The following ZNF521 variants were observed in gnomAD, a reference collection of about 807,000 sequenced individuals.
ZNF521 encodes the protein zinc finger protein 521.
In ZNF521, 14 loss-of-function variants were observed where a neutral mutation model predicts 105.5. That is an observed-to-expected ratio of 0.13 (90% CI 0.09 to 0.21). The LOEUF is 0.21. ZNF521 is among the 10% of genes least tolerant of loss of function. ZNF521 has a pLI of 1.00. For missense variants in ZNF521, 1,233 were observed against 1,629.7 expected (o/e 0.76, Z 4.19); for synonymous variants, 635 against 606.0 (o/e 1.05, Z -0.70).
Position 25,152,216 on chromosome 18 carries a change from C to T in ZNF521, c.3658+42944G>A, listed in dbSNP as rs146228131. ...CCTCTAGGCTGGGCATGGTGGCTCA[C>T]GCCTGTAATCTCAACACTTTGGGAG... On this transcript the variant is annotated intron_variant, in intron 5 of 7. Transcript: ENST00000361524. Among the ~76,000 whole-genome samples, 265 of 152,272 alleles carry T rather than the reference C, an allele frequency of 1.7e-3. 1 individual carries two copies. Among genetic ancestry groups the T allele is most frequent in the Non-Finnish European group, 2.8e-3 (189 of 68,012 alleles).
At chr18:25,313,689 T>G (rs74875046) in intron 3 of ZNF521, among the ~76,000 whole-genome samples, 2,059 of 152,352 alleles carry the variant, frequency 0.014, 27 homozygotes, top group Non-Finnish European at 0.019. Flanking sequence ...TAAACCCTGT[T>G]TATTTCATCT....
chr18:25,314,344 C>T (rs559307284), intron 3 of ZNF521, among the ~76,000 whole-genome samples: 1 of 152,222 alleles, frequency 6.6e-6, no homozygotes, highest in South Asian at 2.1e-4. Flanking sequence ...CTTTAATTTG[C>T]CACAACCATA....
intron 2 of ZNF521, among the ~76,000 whole-genome samples, chr18:25,329,437 A>G (rs1913423538): frequency 6.6e-6 from 1 of 152,216 alleles, no homozygotes; most frequent in South Asian, 2.1e-4. Flanking sequence ...GGGCAGGGAA[A>G]TTTTATCCCA....
chr18:25,277,496 A>G (rs1473583972), intron 3 of ZNF521, among the ~76,000 whole-genome samples: 4 of 152,216 alleles, frequency 2.6e-5, no homozygotes, highest in African/African-American at 7.2e-5. Context: ...ATCAAAGAGA[A>G]ACTCGGACCC....
At chr18:25,067,019 G>C (rs893538488) in intron 7 of ZNF521, among the ~76,000 whole-genome samples, 18 of 152,138 alleles carry the variant, frequency 1.2e-4, no homozygotes, top group Middle Eastern at 3.2e-3. Flanking sequence ...GTGGAGGTGG[G>C]GGGTGAAGAC....
intron 3 of ZNF521, among the ~76,000 whole-genome samples, chr18:25,285,843 C>T (rs190560037): frequency 4.0e-4 from 61 of 152,292 alleles, no homozygotes; most frequent in African/African-American, 1.4e-3. Context: ...TTGAAATTGC[C>T]TCCATGTATC....
chr18:25,288,134 G>A (rs192554095), intron 3 of ZNF521, among the ~76,000 whole-genome samples: 3 of 152,138 alleles, frequency 2.0e-5, no homozygotes, highest in African/African-American at 4.8e-5. Context: ...TAAACTGGGC[G>A]TGATGTGCAC....
At chr18:25,161,371 G>T (rs2035248306) in intron 5 of ZNF521, among the ~76,000 whole-genome samples, 2 of 152,116 alleles carry the variant, frequency 1.3e-5, no homozygotes, top group Non-Finnish European at 2.9e-5. Flanking sequence ...AATCAAGTGT[G>T]ACAGCTGCTG....
intron 5 of ZNF521, among the ~76,000 whole-genome samples, chr18:25,167,224 A>T (rs2035359277): frequency 1.3e-5 from 2 of 152,208 alleles, no homozygotes; most frequent in Non-Finnish European, 2.9e-5. Flanking sequence ...TAATTTTTAC[A>T]GATTCACATT....
chr18:25,313,991 GC>G (rs1341221380), intron 3 of ZNF521, among the ~76,000 whole-genome samples: 17 of 152,124 alleles, frequency 1.1e-4, no homozygotes, highest in African/African-American at 3.6e-4. Context: ...AGTGCCTTAA[GC>G]CTAATTAATA....
chr18:25,300,918 C>T (rs750162519), intron 3 of ZNF521, among the ~76,000 whole-genome samples: 20 of 152,006 alleles, frequency 1.3e-4, no homozygotes, highest in Non-Finnish European at 2.6e-4. Context: ...ATGTTTCTCC[C>T]GAGCATTGCA....
Position 25,224,550 on chromosome 18 carries a change from T to C in ZNF521, c.3368A>G (p.Asn1123Ser). The C allele has an allele frequency of 3.1e-6, 5 of 1,614,046 alleles. No homozygotes were observed. Among genetic ancestry groups the C allele is most frequent in the Non-Finnish European group, 3.4e-6 (4 of 1,179,978 alleles). ...GCCTTTCCCCTCAATGGCACTCAGA[T>C]TCTCATTCTGGCCCAAGCCTGGTCT... ...TNRPGLGQNE[N>S]LSAIEGKGKV... Residue 1123 changes from asparagine to serine, a missense_variant, in exon 4 of 8, where the codon AAT (asparagine) becomes AGT (serine). Coordinates refer to ENST00000361524, the MANE Select transcript of ZNF521 (RefSeq NM_015461.3).
chr18:25,109,862 G>A (rs940782601), intron 5 of ZNF521, among the ~76,000 whole-genome samples: 22 of 152,124 alleles, frequency 1.4e-4, no homozygotes, highest in African/African-American at 3.6e-4. Context: ...CTCTGTTGGC[G>A]GCACAATTTG....
chr18:25,269,658 A>G (rs1222771263), intron 3 of ZNF521, among the ~76,000 whole-genome samples: 1 of 152,194 alleles, frequency 6.6e-6, no homozygotes, highest in Non-Finnish European at 1.5e-5. Context: ...GCACAACTAC[A>G]TGGAAACTGA....
At chr18:25,291,698 G>A (rs994142584) in intron 3 of ZNF521, among the ~76,000 whole-genome samples, 2 of 152,002 alleles carry the variant, frequency 1.3e-5, no homozygotes, top group Admixed American at 1.3e-4. Context: ...CTCTGTAGAC[G>A]TCTGCCACCC....
At chr18:25,116,934 C>T (rs868866892) in intron 5 of ZNF521, among the ~76,000 whole-genome samples, 36 of 131,936 alleles carry the variant, frequency 2.7e-4, no homozygotes, top group East Asian at 4.4e-4. Context: ...TATATATATA[C>T]GTATATATAC....
chr18:25,062,745 TAAATAACAAAAAAA>T lies in ZNF521; in HGVS notation c.3907-18_3907-5del, dbSNP rs2032932311. ...TGTGTTGGGTCATTGTATGATTCTG[TAAATAACAAAAAAA>T]AAAAAAAAAAAAAAAAAAAAAAAAA... On this transcript the variant is annotated splice_region_variant and splice_polypyrimidine_tract_variant and intron_variant, in intron 7 of 7. Coordinates refer to ENST00000361524, the MANE Select transcript of ZNF521 (RefSeq NM_015461.3). 1.1e-6 allele frequency: 1 copy of T among 936,788 alleles called. No homozygotes were observed. The highest frequency in any genetic ancestry group is 1.9e-5 in the South Asian group (1 of 54,030). 58.0% of individuals were successfully genotyped at this position (936,788 alleles called of 1,614,324 possible).
chr18:25,146,294 C>G (rs966602163), intron 5 of ZNF521, among the ~76,000 whole-genome samples: 3 of 152,086 alleles, frequency 2.0e-5, no homozygotes, highest in Non-Finnish European at 4.4e-5. Context: ...TTGCTTAATT[C>G]TCATAATTGT....
chr18:25,145,096 T>C (rs1668920574), intron 5 of ZNF521, among the ~76,000 whole-genome samples: 1 of 152,178 alleles, frequency 6.6e-6, no homozygotes, highest in Admixed American at 6.6e-5. Flanking sequence ...GTAGCCCTGG[T>C]TGTGGACATA....
Sources: gnomAD v4.1 joint callset for allele counts (sites outside exome capture counted in the v4.1 genomes callset) on GRCh38, gnomAD v4.1.1 for gene constraint, MANE v1.5 for transcripts, NCBI Gene and HGNC (gene_info 2026-07-23, HGNC 2026-07-21) for gene names.